Variants in CHRM3 observed in about 807,000 individuals in gnomAD.
CHRM3 encodes the protein cholinergic receptor muscarinic 3.
CHRM3 carries 11 observed loss-of-function variants against 41.8 expected under a neutral mutation model. The observed-to-expected ratio is 0.26, with a 90% CI of 0.17 to 0.44. CHRM3 has a LOEUF of 0.44. Among genes scored for constraint, CHRM3 ranks in the 20% least tolerant of loss-of-function variants. CHRM3 has a pLI of 1.00. For synonymous variants in CHRM3, 297 were observed against 301.4 expected, an observed-to-expected ratio of 0.99 and a Z score of 0.15; for missense variants, 571 against 745.4, an observed-to-expected ratio of 0.77 and a Z score of 2.72.
intron 1 of CHRM3, among the ~76,000 whole-genome samples, chr1:239,452,681 A>G (rs1664637837): frequency 6.6e-6 from 1 of 152,262 alleles, no homozygotes; most frequent in African/African-American, 2.4e-5. Flanking sequence ...ACTCTACATT[A>G]ATATCTGACA....
At chr1:239,448,181 A>G (rs1003841094) in intron 1 of CHRM3, among the ~76,000 whole-genome samples, 2 of 152,238 alleles carry the variant, frequency 1.3e-5, no homozygotes, top group Admixed American at 6.5e-5. Context: ...GGCCTAGCAC[A>G]TAGTGATAAC....
chr1:239,890,711 T>C (rs1015638460), intron 6 of CHRM3, among the ~76,000 whole-genome samples: 26 of 152,186 alleles, frequency 1.7e-4, no homozygotes, highest in African/African-American at 4.6e-4. Context: ...ATGTACAACA[T>C]GGTGCAGTGC....
chr1:239,526,233 A>G (rs974126234), intron 2 of CHRM3, among the ~76,000 whole-genome samples: 8 of 152,112 alleles, frequency 5.3e-5, no homozygotes. Flanking sequence ...ACAGTCCATG[A>G]AAAAGGTCTC....
chr1:239,464,078 A>T (rs1665548375), intron 1 of CHRM3, among the ~76,000 whole-genome samples: 1 of 152,114 alleles, frequency 6.6e-6, no homozygotes, highest in Non-Finnish European at 1.5e-5. Context: ...GGAGTTCAAG[A>T]CTAGCCTGGC....
chr1:239,601,643 ACT>A, intron 3 of CHRM3, among the ~76,000 whole-genome samples: 1 of 152,258 alleles, frequency 6.6e-6, no homozygotes, highest in African/African-American at 2.4e-5. Flanking sequence ...GGTAGGAAAT[ACT>A]CTGACAAACT....
rs1023479501 is a variant in CHRM3, at chr1:239,911,275, T to A, written c.*2051T>A. The A allele has an allele frequency of 6.0e-6, 1 of 166,510 alleles. No homozygotes were observed. The highest frequency in any genetic ancestry group is 1.5e-5 in the Non-Finnish European group (1 of 68,006). 10.3% of individuals were successfully genotyped at this position (166,510 alleles called of 1,614,324 possible). On this transcript the variant is annotated 3_prime_UTR_variant, in exon 7 of 7. Transcript: ENST00000676153. ...CAGGGAAAAAAAAAAACAATCAGCA[T>A]AATTGTAAGAATGATTTTTTTGGGC... is the stretch of plus-strand genomic sequence containing the variant.
At chr1:239,448,796 G>GT (rs1322020814) in intron 1 of CHRM3, among the ~76,000 whole-genome samples, 1 of 151,934 alleles carries the variant, frequency 6.6e-6, no homozygotes, top group African/African-American at 2.4e-5. Context: ...TGTTTGTTTT[G>GT]TTTTGTTTTC....
At chr1:239,426,757 A>G (rs539300486) in intron 1 of CHRM3, among the ~76,000 whole-genome samples, 1 of 152,216 alleles carries the variant, frequency 6.6e-6, no homozygotes, top group Non-Finnish European at 1.5e-5. Context: ...GTGAGAGACA[A>G]CAACAGAAAT....
At chr1:239,474,664 C>G (rs1200008416) in intron 1 of CHRM3, among the ~76,000 whole-genome samples, 3 of 151,866 alleles carry the variant, frequency 2.0e-5, no homozygotes, top group African/African-American at 7.2e-5. Context: ...TAATTATTGA[C>G]AAAGGAAATA....
chr1:239,640,488 T>C (rs1670999059), intron 4 of CHRM3, among the ~76,000 whole-genome samples: 1 of 152,218 alleles, frequency 6.6e-6, no homozygotes, highest in Admixed American at 6.5e-5. Flanking sequence ...CGTGGTTTAG[T>C]CTTGGGAGGG....
chr1:239,689,870 T>C (rs1354905693), intron 5 of CHRM3, among the ~76,000 whole-genome samples: 1 of 152,146 alleles, frequency 6.6e-6, no homozygotes, highest in East Asian at 1.9e-4. Context: ...ATATACCATG[T>C]TATTTTATGC....
intron 4 of CHRM3, among the ~76,000 whole-genome samples, chr1:239,677,320 T>C (rs747601500): frequency 6.6e-6 from 1 of 152,226 alleles, no homozygotes; most frequent in Non-Finnish European, 1.5e-5. Context: ...AAATGATGAG[T>C]GAATGTCAAA....
intron 2 of CHRM3, among the ~76,000 whole-genome samples, chr1:239,504,667 G>A (rs775074411): frequency 2.7e-4 from 41 of 152,236 alleles, no homozygotes; most frequent in Admixed American, 1.3e-3. Context: ...CAACCCAAAT[G>A]CCCATCAATC....
At chr1:239,670,829 G>A (rs544814664) in intron 4 of CHRM3, among the ~76,000 whole-genome samples, 1 of 152,054 alleles carries the variant, frequency 6.6e-6, no homozygotes, top group South Asian at 2.1e-4. Context: ...TCCCAGTTTG[G>A]GGTGACTGTG....
intron 5 of CHRM3, among the ~76,000 whole-genome samples, chr1:239,754,682 C>T (rs542862874): frequency 6.6e-6 from 1 of 152,290 alleles, no homozygotes; most frequent in African/African-American, 2.4e-5. Flanking sequence ...AAAGGCAGTC[C>T]ACTCACACTA....
intron 1 of CHRM3, among the ~76,000 whole-genome samples, chr1:239,414,988 T>C (rs1661384592): frequency 1.3e-5 from 2 of 152,218 alleles, no homozygotes; most frequent in Admixed American, 6.5e-5. Flanking sequence ...GTTTAATAGC[T>C]GAATATAATG....
rs890948823 is a variant in CHRM3 at position 239,565,916 on chromosome 1, T to C, written c.-313+20167T>C. Among the ~76,000 whole-genome samples the C allele has an allele frequency of 1.0e-3, 153 of 147,014 alleles. 1 individual carries two copies. Among genetic ancestry groups the C allele is most frequent in the African/African-American group, 2.0e-3 (82 of 40,016 alleles). On this transcript the variant is annotated intron_variant, in intron 3 of 6. Coordinates refer to ENST00000676153, the MANE Select transcript of CHRM3 (RefSeq NM_001375978.1). ...CACTGAAAGCATCTTTTTTCTTTTT[T>C]TTTTTTTTTTTTTTTGAGACAGGTC...
At position 239,475,219 on chromosome 1, in the gene CHRM3, G is replaced by C. The variant is rs187933363; in HGVS notation, c.-520-17490G>C. The stretch of plus-strand genomic sequence containing the variant: ...AACCATCCATGTTGTATGTGTGAAG[G>C]ATAGTTTCAAGTAAGAATGTGACTT... On this transcript the variant is annotated intron_variant, in intron 1 of 6. Transcript: ENST00000676153. Among the ~76,000 whole-genome samples, 18 of 152,160 alleles carry C rather than the reference G, an allele frequency of 1.2e-4. No individual in the cohort carries two copies. In the East Asian group the frequency reaches 2.5e-3, roughly 21 times the overall value.
At chr1:239,690,784 G>T (rs1022800771) in intron 5 of CHRM3, among the ~76,000 whole-genome samples, 7 of 151,762 alleles carry the variant, frequency 4.6e-5, no homozygotes, top group Non-Finnish European at 1.0e-4. Flanking sequence ...AGAAATTCAG[G>T]ATGTTTGTGT....
Sources: allele counts gnomAD v4.1 joint callset (sites outside exome capture counted in the v4.1 genomes callset), GRCh38; gene constraint gnomAD v4.1.1; transcripts MANE v1.5; gene names NCBI Gene and HGNC (gene_info 2026-07-23, HGNC 2026-07-21).